The following ADCY2 variants were observed in gnomAD, a reference collection of about 807,000 sequenced individuals.
ADCY2 encodes adenylate cyclase 2.
A neutral mutation model predicts 125.2 loss-of-function variants in ADCY2; 31 were observed. The observed-to-expected ratio is 0.25, with a 90% confidence interval of 0.19 to 0.33. The LOEUF is 0.33. Ranked by LOEUF, ADCY2 falls within the 10% of genes least tolerant of loss-of-function variation. The pLI is 1.00. For synonymous variants in ADCY2, 512 were observed against 548.4 expected, an observed-to-expected ratio of 0.93 and a Z score of 0.93; for missense variants, 904 against 1,418.2, an observed-to-expected ratio of 0.64 and a Z score of 5.82.
chr5:7,525,276 G>C (rs1220872388), intron 3 of ADCY2, among the ~76,000 whole-genome samples: 1 of 152,202 alleles, frequency 6.6e-6, no homozygotes, highest in Non-Finnish European at 1.5e-5. Context: ...CAAAGTGCTA[G>C]GATTACAGGC....
chr5:7,806,833 T>C (rs1380051337), intron 22 of ADCY2, among the ~76,000 whole-genome samples: 1 of 152,214 alleles, frequency 6.6e-6, no homozygotes, highest in East Asian at 1.9e-4. Flanking sequence ...AAAATTTCAT[T>C]ATTTTAGTTC....
At chr5:7,703,618 G>A (rs1432549814) in intron 7 of ADCY2, among the ~76,000 whole-genome samples, 1 of 152,096 alleles carries the variant, frequency 6.6e-6, no homozygotes, top group Non-Finnish European at 1.5e-5. Context: ...TGCTGTTTTG[G>A]TTACTGTAGC....
At chr5:7,812,637 G>C (rs528915171) in intron 22 of ADCY2, among the ~76,000 whole-genome samples, 1 of 152,252 alleles carries the variant, frequency 6.6e-6, no homozygotes, top group African/African-American at 2.4e-5. Flanking sequence ...GCTGGGTGCA[G>C]TGGCTCGTGC....
chr5:7,601,695 C>A (rs541234215), intron 3 of ADCY2, among the ~76,000 whole-genome samples: 2 of 152,270 alleles, frequency 1.3e-5, no homozygotes, highest in African/African-American at 4.8e-5. Flanking sequence ...TCCTTCCAGA[C>A]CCTTCATTCT....
rs1554022168 is a variant in ADCY2, at chr5:7,589,458, A to AGAAAG, written c.571-36709_571-36708insGAAAG. 5.4e-3 allele frequency among the ~76,000 whole-genome samples: 391 copies of AGAAAG among 73,000 alleles called. 14 individuals carry two copies. The highest frequency in any genetic ancestry group is 0.019 in the African/African-American group (380 of 19,668). 47.9% of individuals were successfully genotyped at this position (73,000 alleles called of 152,430 possible). A position where few individuals can be genotyped will look rare whatever the true frequency, so the allele number is the denominator to read the frequency against. ...ATAGAAAGAAAGAAAGAAGGAAAGA[A>AGAAAG]AAAGAAAGAAAGAAAGAAAGAAAGA... is the stretch of plus-strand genomic sequence containing the variant. On this transcript the variant is annotated intron_variant, in intron 3 of 24. Transcript: ENST00000338316.
intron 4 of ADCY2, among the ~76,000 whole-genome samples, chr5:7,626,788 C>A (rs1006928511): frequency 2.6e-5 from 4 of 152,142 alleles, no homozygotes; most frequent in African/African-American, 9.7e-5. Flanking sequence ...GGGATCCACC[C>A]CCAAGACACA....
At chr5:7,698,689 C>A (rs1484440245) in intron 7 of ADCY2, among the ~76,000 whole-genome samples, 4 of 152,218 alleles carry the variant, frequency 2.6e-5, no homozygotes, top group African/African-American at 7.2e-5. Context: ...TTTCCAGTTT[C>A]ATCCGTGTCC....
intron 7 of ADCY2, among the ~76,000 whole-genome samples, chr5:7,703,180 G>A (rs1741147420): frequency 6.6e-6 from 1 of 152,142 alleles, no homozygotes. Flanking sequence ...TCTGTAGGTT[G>A]CCTGTTCACT....
chr5:7,721,868 G>A (rs1050153519), intron 12 of ADCY2, among the ~76,000 whole-genome samples: 2 of 152,072 alleles, frequency 1.3e-5, no homozygotes, highest in African/African-American at 2.4e-5. Flanking sequence ...TATTCTATAC[G>A]GGAAAATCTT....
At chr5:7,434,630 A>G (rs1465779039) in intron 2 of ADCY2, among the ~76,000 whole-genome samples, 2 of 152,366 alleles carry the variant, frequency 1.3e-5, no homozygotes, top group African/African-American at 4.8e-5. Context: ...ATCATAGGCT[A>G]TTTAATAAAT....
intron 3 of ADCY2, among the ~76,000 whole-genome samples, chr5:7,563,600 T>G (rs1473345599): frequency 6.6e-6 from 1 of 152,206 alleles, no homozygotes; most frequent in Non-Finnish European, 1.5e-5. Flanking sequence ...TATAGAGCTT[T>G]GTATTACCTA....
intron 4 of ADCY2, among the ~76,000 whole-genome samples, chr5:7,681,314 G>A (rs1740327567): frequency 6.6e-6 from 1 of 152,158 alleles, no homozygotes; most frequent in African/African-American, 2.4e-5. Context: ...TGCCCACAGG[G>A]ACAATTAGTG....
At chr5:7,690,521 T>C (rs942757969) in intron 4 of ADCY2, 170 bp from the exon 5 acceptor site, 2 of 468,956 alleles carry the variant, frequency 4.3e-6, no homozygotes, top group Non-Finnish European at 7.2e-6. Flanking sequence ...AGTCCGACCT[T>C]AGAAAATCTC....
intron 4 of ADCY2, among the ~76,000 whole-genome samples, chr5:7,628,646 C>T (rs1038216565): frequency 2.6e-5 from 4 of 152,280 alleles, no homozygotes; most frequent in Admixed American, 2.6e-4. Context: ...TATAATACAA[C>T]TTCACATCAC....
intron 3 of ADCY2, among the ~76,000 whole-genome samples, chr5:7,581,438 G>T (rs1417941452): frequency 6.6e-6 from 1 of 152,008 alleles, no homozygotes; most frequent in East Asian, 1.9e-4. Flanking sequence ...GCAATCACTT[G>T]GGTAGTAATG....
intron 20 of ADCY2, among the ~76,000 whole-genome samples, chr5:7,790,050 G>A (rs914092641): frequency 6.6e-6 from 1 of 152,212 alleles, no homozygotes; most frequent in Non-Finnish European, 1.5e-5. Flanking sequence ...CATTATTAGA[G>A]ATTTTTTCCC....
intron 3 of ADCY2, among the ~76,000 whole-genome samples, chr5:7,535,888 T>C (rs1056465623): frequency 6.6e-6 from 1 of 152,224 alleles, no homozygotes; most frequent in African/African-American, 2.4e-5. Flanking sequence ...CCGCGATGTT[T>C]GTCTCTGGAA....
intron 16 of ADCY2, among the ~76,000 whole-genome samples, chr5:7,763,153 G>A (rs1050647414): frequency 3.3e-5 from 5 of 151,982 alleles, no homozygotes; most frequent in Non-Finnish European, 7.4e-5. Context: ...GAGTGCAGTG[G>A]CGGGATCTCG....
At chr5:7,509,442 A>G (rs1306986356) in intron 2 of ADCY2, among the ~76,000 whole-genome samples, 1 of 152,128 alleles carries the variant, frequency 6.6e-6, no homozygotes, top group Admixed American at 6.5e-5. Context: ...TTCCCTCAGG[A>G]CACCCATTTT....
Sources: gnomAD v4.1 joint callset for allele counts (sites outside exome capture counted in the v4.1 genomes callset) on GRCh38, gnomAD v4.1.1 for gene constraint, MANE v1.5 for transcripts, NCBI Gene and HGNC (gene_info 2026-07-23, HGNC 2026-07-21) for gene names.